KTN1: variants seen among roughly 807,000 people sequenced by gnomAD.
KTN1 encodes kinectin 1.
A neutral mutation model predicts 222.5 loss-of-function variants in KTN1; 130 were observed. The observed-to-expected ratio is 0.58, with a 90% CI of 0.51 to 0.68. The LOEUF is 0.68. Among genes scored for constraint, KTN1 ranks in the 30% least tolerant of loss-of-function variants. The pLI, the probability that KTN1 is intolerant of heterozygous loss-of-function variation, is 0.00. For missense variants in KTN1, 1,508 were observed against 1,500.4 expected (o/e 1.01, Z -0.08); for synonymous variants, 512 against 496.3 (o/e 1.03, Z -0.42).
At chr14:55,606,399 ACTGTGTTC>A (rs1266818191) in intron 1 of KTN1, among the ~76,000 whole-genome samples, 3 of 151,904 alleles carry the variant, frequency 2.0e-5, no homozygotes, top group African/African-American at 7.3e-5. Context: ...AAAGATTTTC[ACTGTGTTC>A]AGATTTCAGT....
Position 55,649,768 on chromosome 14 carries a change from A to G in KTN1, c.2368-8A>G. 1 of 1,475,724 alleles carries G rather than the reference A, an allele frequency of 6.8e-7. No homozygotes were observed. Among genetic ancestry groups the G allele is most frequent in the African/African-American group, 1.4e-5 (1 of 70,824 alleles). 91.4% of individuals were successfully genotyped at this position (1,475,724 alleles called of 1,614,324 possible). On this transcript the variant is annotated splice_polypyrimidine_tract_variant and splice_region_variant and intron_variant, in intron 21 of 43. Transcript: ENST00000395314. ...AAATTACTAAGTAGGATACTTTCCT[A>G]TTTCCAGGTTTCTTTTGCCTCTCTA...
chr14:55,679,826 C>T (rs1278570084), intron 43 of KTN1, 141 bp downstream of exon 43: 11 of 875,174 alleles, frequency 1.3e-5, no homozygotes, highest in Admixed American at 2.4e-5. Flanking sequence ...CAGCCTTAAG[C>T]TTTCTTGGAG....
At chr14:55,655,664 A>G (rs1459660538) in intron 28 of KTN1, among the ~76,000 whole-genome samples, 1 of 152,204 alleles carries the variant, frequency 6.6e-6, no homozygotes, top group African/African-American at 2.4e-5. Context: ...TATCCATAGC[A>G]TCTCTTCAGT....
At chr14:55,591,571 T>C (rs1004170083) in intron 1 of KTN1, among the ~76,000 whole-genome samples, 2 of 148,894 alleles carry the variant, frequency 1.3e-5, no homozygotes, top group Non-Finnish European at 3.0e-5. Context: ...ATTTCTTTCT[T>C]TCTCTCTTTC....
Position 55,634,604 on chromosome 14 carries a change from A to G in KTN1, c.1407A>G (p.Leu469=). 6.2e-7 allele frequency: 1 copy of G among 1,613,942 alleles called. No homozygotes were observed. The highest frequency in any genetic ancestry group is 8.5e-7 in the Non-Finnish European group (1 of 1,179,850). The change falls in exon 9 of 44, where the codon CTA becomes CTG. Residue 469 remains leucine (L), a synonymous_variant. Transcript: ENST00000395314. The part of the protein sequence containing the change: ...VNELTEKTGK[L]QQEEVQKKNA... Reference sequence around the variant, plus strand: ...AGCTGACTGAGAAAACAGGAAAGCTACAGCAAGAGGAAGTCCAAAAGAAGA... The same window carrying G: ...AGCTGACTGAGAAAACAGGAAAGCTGCAGCAAGAGGAAGTCCAAAAGAAGA...
rs2046100593 is a variant in KTN1 at position 55,678,678 on chromosome 14, G to A, written c.3948+234G>A. The A allele has an allele frequency of 1.4e-5, 6 of 431,352 alleles. No homozygotes were observed. The Admixed American group carries it at 2.2e-4, about 15-fold the overall frequency. 26.7% of individuals were successfully genotyped at this position (431,352 alleles called of 1,614,324 possible). On this transcript the variant is annotated intron_variant, in intron 42 of 43. Coordinates refer to ENST00000395314, the MANE Select transcript of KTN1 (RefSeq NM_001079521.2). ...GTCCCCAATTCCTGGACTGTGGACAGGTACCAGTCAATGGCTTTTTAGGAA... is the reference window on the plus strand; with the variant it reads ...GTCCCCAATTCCTGGACTGTGGACAAGTACCAGTCAATGGCTTTTTAGGAA...
chr14:55,634,803 GA>G, intron 9 of KTN1, 145 bp downstream of exon 9: 1 of 607,074 alleles, frequency 1.6e-6, no homozygotes, highest in Non-Finnish European at 2.7e-6. Context: ...CATGGCTGGG[GA>G]GGCCTCAGGA....
rs553015252 is a variant in KTN1, at chr14:55,611,977, G to T, written c.-30-42G>T. On this transcript the variant is annotated intron_variant, in intron 1 of 43. Transcript: ENST00000395314. ...GACTTTAATTTTTATGAGACTGACA[G>T]GTTCTTTTTTTTTTTTTGTCCCCAC... 5.3e-5 allele frequency: 48 copies of T among 899,808 alleles called. No homozygotes were observed. The South Asian group carries it at 1.3e-3, about 24-fold the overall frequency. 55.7% of individuals were successfully genotyped at this position (899,808 alleles called of 1,614,324 possible). A position where few individuals can be genotyped will look rare whatever the true frequency, so the allele number is the denominator to read the frequency against.
intron 6 of KTN1, among the ~76,000 whole-genome samples, chr14:55,629,106 G>T (rs1264284308): frequency 4.6e-5 from 7 of 152,170 alleles, no homozygotes; most frequent in Admixed American, 4.6e-4. Context: ...AAAACAAAAT[G>T]AAATCCCTCA....
At chr14:55,666,310 T>C (rs753304064) in intron 33 of KTN1, among the ~76,000 whole-genome samples, 3 of 151,932 alleles carry the variant, frequency 2.0e-5, no homozygotes, top group African/African-American at 4.8e-5. Flanking sequence ...GGGAAAGATA[T>C]GGTTGAGATG....
intron 1 of KTN1, among the ~76,000 whole-genome samples, chr14:55,602,550 A>C (rs2036132340): frequency 1.3e-5 from 2 of 152,174 alleles, no homozygotes; most frequent in African/African-American, 4.8e-5. Context: ...CTACAGCAAT[A>C]ATTAAAATGT....
At chr14:55,608,905 C>A (rs2037146118) in intron 1 of KTN1, among the ~76,000 whole-genome samples, 3 of 152,130 alleles carry the variant, frequency 2.0e-5, no homozygotes, top group South Asian at 4.1e-4. Context: ...GCTGGGATTA[C>A]AGGCATGAGC....
chr14:55,642,664 A>G (rs1234536382), intron 18 of KTN1, among the ~76,000 whole-genome samples: 1 of 152,202 alleles, frequency 6.6e-6, no homozygotes, highest in African/African-American at 2.4e-5. Flanking sequence ...GCGTTCTTTC[A>G]TTTATTTTAA....
chr14:55,617,878 T>C (rs1335345555), intron 3 of KTN1, 86 bp from the exon 4 acceptor site: 23 of 995,282 alleles, frequency 2.3e-5, no homozygotes, highest in Non-Finnish European at 2.9e-5. Context: ...TCAAAAGAAC[T>C]GCATTTATCA....
chr14:55,591,551 T>C (rs1240785134), intron 1 of KTN1, among the ~76,000 whole-genome samples: 1 of 151,996 alleles, frequency 6.6e-6, no homozygotes, highest in African/African-American at 2.4e-5. Context: ...TGATACATTG[T>C]ATGTCTTGCA....
chr14:55,637,409 A>C, intron 11 of KTN1, 45 bp downstream of exon 11: 1 of 1,333,466 alleles, frequency 7.5e-7, no homozygotes. Flanking sequence ...ACAGGTGGTC[A>C]CTTATTAGAT....
rs1179873382 is a variant in KTN1 at position 55,628,004 on chromosome 14, G to T, written c.1056G>T (p.Lys352Asn). The change falls in exon 6 of 44, where the codon AAG (lysine) becomes AAT (asparagine). Residue 352 changes from lysine to asparagine, a missense_variant. Transcript: ENST00000395314. ...TGAAGGAAGATGCTGCTGCTACAAAGGATCGGTGTAAGCAGTTAACCCAGG... is the reference window on the plus strand; with the variant it reads ...TGAAGGAAGATGCTGCTGCTACAAATGATCGGTGTAAGCAGTTAACCCAGG... ...AAVKEDAAAT[K>N]DRCKQLTQEM... is the part of the protein sequence containing the mutation. 4 of 1,612,802 alleles carry T rather than the reference G, an allele frequency of 2.5e-6. No homozygotes were observed. The Admixed American group carries it at 6.7e-5, about 27-fold the overall frequency.
intron 21 of KTN1, among the ~76,000 whole-genome samples, chr14:55,649,087 C>T (rs555467327): frequency 2.4e-4 from 37 of 152,260 alleles, no homozygotes; most frequent in Admixed American, 1.1e-3. Flanking sequence ...CCACAATGCT[C>T]GGCTTTTATT....
intron 43 of KTN1, chr14:55,683,100 ACTTAT>A (rs976934928): frequency 5.3e-5 from 8 of 152,186 alleles, no homozygotes; most frequent in Non-Finnish European, 8.8e-5. Context: ...CTGGAGAAAA[ACTTAT>A]CTTATTTCTA....
Sources: allele counts gnomAD v4.1 joint callset (sites outside exome capture counted in the v4.1 genomes callset), GRCh38; gene constraint gnomAD v4.1.1; transcripts MANE v1.5; gene names NCBI Gene and HGNC (gene_info 2026-07-23, HGNC 2026-07-21).